Variants in ADGRV1 observed in about 807,000 individuals in gnomAD.
ADGRV1 encodes the protein adhesion G protein-coupled receptor V1, also known as G-protein coupled receptor 98.
Under a neutral mutation model 596.2 loss-of-function variants are expected in ADGRV1, and 359 were observed. That is an observed-to-expected ratio of 0.60 (90% confidence interval 0.55 to 0.66). ADGRV1 has a LOEUF of 0.66. Ranked by LOEUF, ADGRV1 falls within the 30% of genes least tolerant of loss-of-function variation. The pLI, the probability that ADGRV1 is intolerant of heterozygous loss-of-function variation, is 0.00. For missense variants in ADGRV1, 7,274 were observed against 7,575.6 expected (o/e 0.96, Z 1.48); for synonymous variants, 2,681 against 2,679.2 (o/e 1.00, Z -0.02).
At chr5:90,799,939 A>G (rs954209588) in intron 70 of ADGRV1, among the ~76,000 whole-genome samples, 10 of 152,234 alleles carry the variant, frequency 6.6e-5, no homozygotes, top group Non-Finnish European at 1.3e-4. Context: ...AAGATGGATT[A>G]AAGACTTAAA....
chr5:91,009,380 T>C (rs1253439113), intron 85 of ADGRV1, among the ~76,000 whole-genome samples: 1 of 152,186 alleles, frequency 6.6e-6, no homozygotes, highest in Non-Finnish European at 1.5e-5. Flanking sequence ...TTACTGGTCC[T>C]GTTGGAGACA....
intron 1 of ADGRV1, among the ~76,000 whole-genome samples, chr5:90,583,865 T>C (rs978690558): frequency 5.9e-5 from 9 of 152,294 alleles, no homozygotes; most frequent in Non-Finnish European, 8.8e-5. Flanking sequence ...TTTCATTTGA[T>C]GGTATTTTTA....
chr5:90,752,099 C>T (rs1283556653), intron 53 of ADGRV1, among the ~76,000 whole-genome samples: 1 of 152,144 alleles, frequency 6.6e-6, no homozygotes, highest in Non-Finnish European at 1.5e-5. Flanking sequence ...TGGTCTCTTT[C>T]ACTACTGCTT....
At chr5:91,157,578 A>G (rs1796576936) in intron 89 of ADGRV1, among the ~76,000 whole-genome samples, 1 of 152,130 alleles carries the variant, frequency 6.6e-6, no homozygotes, top group African/African-American at 2.4e-5. Context: ...CATTTTACTC[A>G]TATTTCTTTC....
In ADGRV1 at chr5:90,627,246, G is replaced by A. The variant is rs770324308; in HGVS notation, c.708G>A (p.Leu236=). 3 of 1,562,584 alleles carry A rather than the reference G, an allele frequency of 1.9e-6. No homozygotes were observed. The highest frequency in any genetic ancestry group is 1.7e-6 in the Non-Finnish European group (2 of 1,155,216). ...ATGATGAAATATTTTTAATTCAACT[G>A]AAAAGTGTAGAAGGAGGAGCTGAGA... ...PENDEIFLIQ[L]KSVEGGAEIN... is the part of the protein sequence containing the mutation. Residue 236 remains leucine, a synonymous_variant, in exon 7 of 90, where the codon CTG becomes CTA. Transcript: ENST00000405460.
Position 90,712,162 on chromosome 5 carries a change from C to CA in ADGRV1, c.9043-121dup. 7.0e-6 allele frequency: 4 copies of CA among 568,732 alleles called. 1 individual carries two copies. The South Asian group carries it at 1.9e-4, about 26-fold the overall frequency. 35.2% of individuals were successfully genotyped at this position (568,732 alleles called of 1,614,324 possible). A position where few individuals can be genotyped will look rare whatever the true frequency, so the allele number is the denominator to read the frequency against. ...AGATATAAACCAAAATATAAGGAGA[C>CA]AAAATTCAATGTAAAATAGCTTATT... On this transcript the variant is annotated intron_variant, in intron 41 of 89. Transcript: ENST00000405460.
At chr5:90,800,188 G>C (rs1464599937) in intron 70 of ADGRV1, among the ~76,000 whole-genome samples, 1 of 152,030 alleles carries the variant, frequency 6.6e-6, no homozygotes, top group Non-Finnish European at 1.5e-5. Flanking sequence ...ATCTGACAAA[G>C]GGCTAATATC....
At chr5:91,046,749 A>AT (rs1785851607) in intron 85 of ADGRV1, among the ~76,000 whole-genome samples, 1 of 152,196 alleles carries the variant, frequency 6.6e-6, no homozygotes, top group South Asian at 2.1e-4. Flanking sequence ...GTGGGAGAAA[A>AT]TCTTCACCAT....
rs1431329909 is a variant in ADGRV1, at chr5:90,601,026, C to T, written c.23-13809C>T. 4.6e-5 allele frequency among the ~76,000 whole-genome samples: 7 copies of T among 152,052 alleles called. No individual in the cohort carries two copies. In the South Asian group the frequency reaches 6.2e-4, roughly 13 times the overall value. On this transcript the variant is annotated intron_variant, in intron 1 of 89. Transcript: ENST00000405460. ...CCGAGGCGGGTGGATCACCCGAGGT[C>T]GGGAGTTCAAGACCAGCCTGACCAA...
rs568924572 is a variant in ADGRV1 at position 90,620,062 on chromosome 5, C to T, written c.453+881C>T. ...TGTGAATAGTGCCGCAATAAAAATACGTGTGCATGTGTCTTTATAGCAGCA... is the reference window on the plus strand; with the variant it reads ...TGTGAATAGTGCCGCAATAAAAATATGTGTGCATGTGTCTTTATAGCAGCA... On this transcript the variant is annotated intron_variant, in intron 4 of 89. Transcript: ENST00000405460. 2.8e-3 allele frequency among the ~76,000 whole-genome samples: 431 copies of T among 151,842 alleles called. 1 individual carries two copies. Among genetic ancestry groups the T allele is most frequent in the African/African-American group, 9.3e-3 (386 of 41,394 alleles).
chr5:90,968,728 G>A (rs950962561), intron 84 of ADGRV1, among the ~76,000 whole-genome samples: 2 of 151,924 alleles, frequency 1.3e-5, no homozygotes, highest in Admixed American at 6.5e-5. Context: ...TCTAAAATCC[G>A]TTTTAAAAAC....
chr5:90,674,379 A>C (rs1000923937), intron 23 of ADGRV1, 145 bp downstream of exon 23: 1 of 470,296 alleles, frequency 2.1e-6, no homozygotes. Context: ...CTTGTATGCT[A>C]CTGTTTTGAG....
chr5:90,760,542 G>A (rs1388028601), intron 58 of ADGRV1, among the ~76,000 whole-genome samples: 1 of 152,162 alleles, frequency 6.6e-6, no homozygotes, highest in Non-Finnish European at 1.5e-5. Context: ...CTGGTCACAG[G>A]CAGGATTCTG....
intron 21 of ADGRV1, among the ~76,000 whole-genome samples, chr5:90,672,081 T>C (rs949821892): frequency 6.6e-6 from 1 of 152,194 alleles, no homozygotes; most frequent in Non-Finnish European, 1.5e-5. Context: ...TGTCTGTGCC[T>C]AGAAAGTTCT....
chr5:90,788,853 C>T (rs1419855422), intron 68 of ADGRV1, among the ~76,000 whole-genome samples: 1 of 130,526 alleles, frequency 7.7e-6, no homozygotes, highest in Non-Finnish European at 1.6e-5. Context: ...CAGACATGCA[C>T]ACAGACACAG....
At chr5:91,114,927 C>A (rs1490820274) in intron 87 of ADGRV1, among the ~76,000 whole-genome samples, 1 of 152,132 alleles carries the variant, frequency 6.6e-6, no homozygotes, top group Non-Finnish European at 1.5e-5. Context: ...GTTTGTCTCC[C>A]CAACCCTGTC....
At chr5:91,075,406 C>A (rs933439516) in intron 86 of ADGRV1, among the ~76,000 whole-genome samples, 8 of 152,076 alleles carry the variant, frequency 5.3e-5, no homozygotes, top group Non-Finnish European at 1.2e-4. Context: ...GCCTAAATCA[C>A]CCCTGCACCT....
At position 90,753,240 on chromosome 5, in the gene ADGRV1, T is replaced by C. The variant is rs2438337; in HGVS notation, c.11122-334T>C. On this transcript the variant is annotated intron_variant, in intron 53 of 89. Coordinates refer to ENST00000405460, the MANE Select transcript of ADGRV1 (RefSeq NM_032119.4). ...AAGCTAGTATGCCACCTTATTTTAC[T>C]TTTATGGATCTTTGTATATGGTATC... Among the ~76,000 whole-genome samples, 79,247 of 151,934 alleles carry C rather than the reference T, an allele frequency of 0.52. 21,489 individuals are homozygous for C. Among genetic ancestry groups the C allele is most frequent in the African/African-American group, 0.67 (27,744 of 41,462 alleles).
At chr5:90,881,201 C>T (rs770042970) in intron 83 of ADGRV1, among the ~76,000 whole-genome samples, 1 of 152,134 alleles carries the variant, frequency 6.6e-6, no homozygotes, top group East Asian at 1.9e-4. Flanking sequence ...GGCCAAGAAA[C>T]TGCTGGACTC....
Sources: allele counts gnomAD v4.1 joint callset (sites outside exome capture counted in the v4.1 genomes callset), GRCh38; gene constraint gnomAD v4.1.1; transcripts MANE v1.5; gene names NCBI Gene and HGNC (gene_info 2026-07-23, HGNC 2026-07-21).